Variants in DNM3 observed in about 807,000 individuals in gnomAD.
The protein encoded by DNM3 is dynamin 3.
In DNM3, 47 loss-of-function variants were observed where a neutral mutation model predicts 101.6. That is an observed-to-expected ratio of 0.46 (90% CI 0.37 to 0.59). The LOEUF (loss-of-function observed/expected upper bound fraction) is 0.59, where lower values mean the gene tolerates loss of function less well. Among genes scored for constraint, DNM3 ranks in the 20% least tolerant of loss-of-function variants. The probability of loss-of-function intolerance (pLI) is 0.00; values close to 1 mark genes in which losing one functional copy is unlikely to be tolerated. For synonymous variants in DNM3, 385 were observed against 387.9 expected, an observed-to-expected ratio of 0.99 and a Z score of 0.09; for missense variants, 849 against 1,085.7, an observed-to-expected ratio of 0.78 and a Z score of 3.06.
At chr1:172,192,246 A>C (rs979156681) in intron 14 of DNM3, among the ~76,000 whole-genome samples, 9 of 151,996 alleles carry the variant, frequency 5.9e-5, no homozygotes, top group Non-Finnish European at 1.3e-4. Flanking sequence ...GCATCTCTTG[A>C]GATAATCATG....
At chr1:172,233,649 C>A (rs2061424054) in intron 14 of DNM3, among the ~76,000 whole-genome samples, 1 of 152,146 alleles carries the variant, frequency 6.6e-6, no homozygotes, top group Non-Finnish European at 1.5e-5. Flanking sequence ...CAATAAAATA[C>A]TGGCAAACTG....
intron 1 of DNM3, among the ~76,000 whole-genome samples, chr1:171,861,564 C>T (rs1118173): frequency 0.58 from 88,533 of 151,746 alleles, 26,035 homozygotes; most frequent in East Asian, 0.8. Context: ...GGGCCCCTAC[C>T]TCACATCATA....
chr1:172,314,010 G>A (rs928306779), intron 16 of DNM3, among the ~76,000 whole-genome samples: 1 of 151,342 alleles, frequency 6.6e-6, no homozygotes, highest in Non-Finnish European at 1.5e-5. Context: ...CTGTTGGTGG[G>A]AGTGTAAATT....
At chr1:172,413,463 G>A (rs1056042492), downstream of DNM3, among the ~76,000 whole-genome samples, 18 of 152,132 alleles carry the variant, frequency 1.2e-4, no homozygotes, top group African/African-American at 4.1e-4. Flanking sequence ...TCTTGACCTC[G>A]TGATCTGCCC....
intron 14 of DNM3, among the ~76,000 whole-genome samples, chr1:172,225,295 C>T (rs1025761326): frequency 2.0e-5 from 3 of 151,812 alleles, no homozygotes; most frequent in African/African-American, 7.3e-5. Flanking sequence ...CACCACCACG[C>T]CCAGCTAATT....
chr1:171,989,871 T>C (rs2045520854), intron 4 of DNM3, among the ~76,000 whole-genome samples: 1 of 152,146 alleles, frequency 6.6e-6, no homozygotes, highest in Admixed American at 6.5e-5. Flanking sequence ...TTTTTGATAA[T>C]TAATTGTCCC....
chr1:172,366,030 G>A (rs1055017600), intron 17 of DNM3, among the ~76,000 whole-genome samples: 1 of 151,838 alleles, frequency 6.6e-6, no homozygotes, highest in African/African-American at 2.4e-5. Context: ...AGGAGTTTGA[G>A]ACCAGCCTGG....
At chr1:171,927,891 T>C (rs1211961356) in intron 2 of DNM3, among the ~76,000 whole-genome samples, 6 of 152,216 alleles carry the variant, frequency 3.9e-5, no homozygotes, top group Non-Finnish European at 1.5e-5. Flanking sequence ...ACTGGTGTGA[T>C]TGTTTAGAGG....
intron 14 of DNM3, among the ~76,000 whole-genome samples, chr1:172,228,787 G>A (rs1300542007): frequency 6.6e-6 from 1 of 152,074 alleles, no homozygotes; most frequent in Non-Finnish European, 1.5e-5. Flanking sequence ...ATATAAGACT[G>A]CACATTTTCT....
intron 13 of DNM3, among the ~76,000 whole-genome samples, chr1:172,103,334 C>T (rs974052094): frequency 2.1e-4 from 32 of 152,154 alleles, no homozygotes; most frequent in African/African-American, 2.2e-4. Flanking sequence ...TTAATGTATC[C>T]CTAACAATGT....
At chr1:172,412,742 A>G (rs1558112253), downstream of DNM3, 1 of 985,434 alleles carries the variant, frequency 1.0e-6, no homozygotes, top group Non-Finnish European at 1.2e-6. Context: ...TCTTGTATAT[A>G]TTTGAGTCAT....
chr1:171,976,447 G>T (rs771080885), intron 2 of DNM3, among the ~76,000 whole-genome samples: 18 of 152,162 alleles, frequency 1.2e-4, no homozygotes, highest in Non-Finnish European at 2.1e-4. Context: ...CATGTGCAGG[G>T]GAACTCCCTT....
chr1:172,117,205 CAAA>C (rs879796172), intron 13 of DNM3, among the ~76,000 whole-genome samples: 1 of 129,074 alleles, frequency 7.7e-6, no homozygotes. Flanking sequence ...AACTCCATCT[CAAA>C]AAAAAAAAAA....
chr1:172,078,476 A>C (rs1265099864), intron 11 of DNM3, among the ~76,000 whole-genome samples: 2 of 150,802 alleles, frequency 1.3e-5, no homozygotes, highest in East Asian at 3.9e-4. Flanking sequence ...TTTGCTTGGT[A>C]AATCTTCCTC....
chr1:172,127,836 T>G (rs1236840159), intron 13 of DNM3, among the ~76,000 whole-genome samples: 1 of 152,192 alleles, frequency 6.6e-6, no homozygotes, highest in Non-Finnish European at 1.5e-5. Flanking sequence ...CCTTTGACCC[T>G]GTGACCTATT....
At position 172,387,270 on chromosome 1, in the gene DNM3, C is replaced by T. The variant is rs745319329; in HGVS notation, c.2196C>T (p.Ala732=). The T allele has an allele frequency of 6.2e-7, 1 of 1,613,914 alleles. No homozygotes were observed. Among genetic ancestry groups the T allele is most frequent in the East Asian group, 2.2e-5 (1 of 44,870 alleles). The part of the protein sequence containing the change: ...MLRMYQALKE[A]LGIIGDISTA... ...GAATGTATCAAGCACTGAAAGAAGCCCTTGGGATAATTGGGGACATCAGCA... is the reference window on the plus strand; with the variant it reads ...GAATGTATCAAGCACTGAAAGAAGCTCTTGGGATAATTGGGGACATCAGCA... Residue 732 remains alanine (A), a synonymous_variant, in exon 19 of 21, where the codon GCC becomes GCT. Coordinates refer to ENST00000627582, the MANE Select transcript of DNM3 (RefSeq NM_015569.5).
intron 1 of DNM3, among the ~76,000 whole-genome samples, chr1:171,916,365 G>A (rs1350434811): frequency 6.6e-6 from 1 of 152,184 alleles, no homozygotes; most frequent in African/African-American, 2.4e-5. Flanking sequence ...CTGGCACATG[G>A]TAAGCACTAT....
intron 15 of DNM3, among the ~76,000 whole-genome samples, chr1:172,272,254 C>T (rs933513253): frequency 1.3e-5 from 2 of 151,948 alleles, no homozygotes; most frequent in Non-Finnish European, 2.9e-5. Context: ...AAAATATTCA[C>T]TTATAATTAA....
chr1:172,303,276 G>T (rs999058784), intron 15 of DNM3, among the ~76,000 whole-genome samples: 5 of 152,144 alleles, frequency 3.3e-5, no homozygotes, highest in African/African-American at 1.2e-4. Flanking sequence ...GGAAGAAAGG[G>T]TATCAGTGAT....
Sources: allele counts gnomAD v4.1 joint callset (sites outside exome capture counted in the v4.1 genomes callset), GRCh38; gene constraint gnomAD v4.1.1; transcripts MANE v1.5; gene names NCBI Gene and HGNC (gene_info 2026-07-23, HGNC 2026-07-21).